NUP153: variants seen among roughly 807,000 people sequenced by gnomAD.
NUP153 encodes nuclear pore complex protein Nup153.
Under a neutral mutation model 134.6 loss-of-function variants are expected in NUP153, and 27 were observed. The ratio of observed to expected loss-of-function variants is 0.20; its 90% CI spans 0.15 to 0.28. NUP153 has a LOEUF of 0.28. Ranked by LOEUF, NUP153 falls within the 10% of genes least tolerant of loss-of-function variation. The pLI is 1.00. For synonymous variants in NUP153, 640 were observed against 623.5 expected, an observed-to-expected ratio of 1.03 and a Z score of -0.40; for missense variants, 1,821 against 1,731.3, an observed-to-expected ratio of 1.05 and a Z score of -0.92.
intron 1 of NUP153, among the ~76,000 whole-genome samples, chr6:17,704,633 T>C (rs1169539766): frequency 6.6e-6 from 1 of 151,670 alleles, no homozygotes; most frequent in Non-Finnish European, 1.5e-5. Context: ...GTGCCAAACC[T>C]AACCATCAGT....
chr6:17,619,703 T>C (rs1020461941), intron 20 of NUP153: 4 of 152,140 alleles, frequency 2.6e-5, no homozygotes, highest in African/African-American at 9.7e-5. Flanking sequence ...TATTCATGGA[T>C]CAGAAGAACT....
At chr6:17,666,841 C>T (rs1438624725) in intron 8 of NUP153, among the ~76,000 whole-genome samples, 1 of 152,206 alleles carries the variant, frequency 6.6e-6, no homozygotes, top group Non-Finnish European at 1.5e-5. Flanking sequence ...TCCTTTCATT[C>T]AGCAGCAGCT....
intron 2 of NUP153, among the ~76,000 whole-genome samples, chr6:17,678,978 T>C (rs994067044): frequency 1.3e-5 from 2 of 149,114 alleles, no homozygotes; most frequent in African/African-American, 4.9e-5. Flanking sequence ...TCTTAACAAA[T>C]ATTTTACAGC....
chr6:17,696,811 G>A (rs1769677342), intron 1 of NUP153, among the ~76,000 whole-genome samples: 2 of 151,980 alleles, frequency 1.3e-5, no homozygotes, highest in Non-Finnish European at 2.9e-5. Context: ...AGTAGCTTAC[G>A]TCTGTAATCC....
chr6:17,640,905 G>A (rs993586787), intron 14 of NUP153, among the ~76,000 whole-genome samples: 1 of 152,070 alleles, frequency 6.6e-6, no homozygotes, highest in African/African-American at 2.4e-5. Flanking sequence ...TTACTGGCAT[G>A]AGTCATCATG....
intron 11 of NUP153, among the ~76,000 whole-genome samples, chr6:17,650,858 G>A (rs1241793646): frequency 6.6e-6 from 1 of 152,088 alleles, no homozygotes; most frequent in Non-Finnish European, 1.5e-5. Flanking sequence ...CAGCATAAAT[G>A]CCAGGGAAGA....
At chr6:17,667,290 T>C (rs1767592334) in intron 8 of NUP153, among the ~76,000 whole-genome samples, 1 of 152,212 alleles carries the variant, frequency 6.6e-6, no homozygotes, top group Non-Finnish European at 1.5e-5. Flanking sequence ...AGTTCAATAT[T>C]AGCTTTCTTT....
chr6:17,659,718 G>A (rs570278645), intron 11 of NUP153, among the ~76,000 whole-genome samples: 11 of 152,228 alleles, frequency 7.2e-5, no homozygotes, highest in African/African-American at 1.7e-4. Context: ...TGATCCGCCC[G>A]CCTTGGCCTC....
chr6:17,650,790 AT>A (rs1469393256), intron 11 of NUP153, among the ~76,000 whole-genome samples: 2 of 152,318 alleles, frequency 1.3e-5, no homozygotes, highest in Admixed American at 1.3e-4. Context: ...ATTTAACTAT[AT>A]AAAGCAAAAA....
Position 17,637,341 on chromosome 6 carries a change from G to T in NUP153, c.2276C>A (p.Thr759Lys), listed in dbSNP as rs912644568. The T allele has an allele frequency of 1.9e-6, 3 of 1,614,056 alleles. No homozygotes were observed. The highest frequency in any genetic ancestry group is 1.7e-6 in the Non-Finnish European group (2 of 1,180,050). ...KPGTCVKRALTLTVVSESAET... is the reference protein window; with the variant it reads ...KPGTCVKRALKLTVVSESAET... Reference sequence around the variant, plus strand: ...AGCACTTTCCGAAACCACTGTCAATGTAAGGGCTCGCTTCACACAAGTTCC... The same window carrying T: ...AGCACTTTCCGAAACCACTGTCAATTTAAGGGCTCGCTTCACACAAGTTCC... Residue 759 changes from threonine to lysine, a missense_variant, in exon 16 of 22, where the codon ACA (threonine) becomes AAA (lysine). Physicochemically the swap from Thr to Lys is moderately conservative, Grantham distance 78. Coordinates refer to ENST00000262077, the MANE Select transcript of NUP153 (RefSeq NM_005124.4).
At chr6:17,703,498 G>C (rs1770259251) in intron 1 of NUP153, among the ~76,000 whole-genome samples, 1 of 152,060 alleles carries the variant, frequency 6.6e-6, no homozygotes, top group Admixed American at 6.6e-5. Flanking sequence ...AATAACATTA[G>C]TATAAAACAT....
chr6:17,669,080 CCT>C, intron 7 of NUP153, 52 bp from the exon 8 acceptor site: 2 of 1,258,866 alleles, frequency 1.6e-6, no homozygotes, highest in Non-Finnish European at 2.2e-6. Context: ...ATGAAAAATA[CCT>C]TTTTTTTTTT....
chr6:17,656,452 A>C (rs922832339), intron 11 of NUP153, among the ~76,000 whole-genome samples: 2 of 152,052 alleles, frequency 1.3e-5, no homozygotes, highest in African/African-American at 4.8e-5. Flanking sequence ...TTATTTTTTT[A>C]AAGACAGAGT....
chr6:17,629,018 C>G lies in NUP153; in HGVS notation c.3181G>C (p.Ala1061Pro), dbSNP rs762415907. 11 of 1,614,018 alleles carry G rather than the reference C, an allele frequency of 6.8e-6. No individual in the cohort carries two copies. The highest frequency in any genetic ancestry group is 5.0e-5 in the Admixed American group (3 of 59,994). The change falls in exon 18 of 22, where the codon GCT becomes CCT. Residue 1061 changes from alanine (A) to proline (P), a missense_variant. Transcript: ENST00000262077. The stretch of plus-strand genomic sequence containing the variant: ...TCTGATGTCTTACATGTGAAAGGAG[C>G]CACTGAAGCACTCTTGGTTTCTATG... ...GTIETKSASVAPFTCKTSEAK... is the reference protein window; with the variant it reads ...GTIETKSASVPPFTCKTSEAK...
intron 20 of NUP153, among the ~76,000 whole-genome samples, chr6:17,618,750 T>C (rs1419909977): frequency 6.6e-6 from 1 of 152,022 alleles, no homozygotes; most frequent in East Asian, 1.9e-4. Context: ...TATTTCTTAG[T>C]AGAGATGGGG....
intron 11 of NUP153, 76 bp from the exon 12 acceptor site, chr6:17,649,376 AGT>A: frequency 1.4e-6 from 2 of 1,380,164 alleles, no homozygotes; most frequent in Non-Finnish European, 2.0e-6. Flanking sequence ...TCAGCATGAA[AGT>A]ATACAGGAAG....
intron 2 of NUP153, among the ~76,000 whole-genome samples, chr6:17,687,016 T>C (rs774708827): frequency 9.2e-5 from 14 of 152,128 alleles, no homozygotes; most frequent in Non-Finnish European, 1.8e-4. Context: ...TAAGGACATG[T>C]AACAGAAAAT....
rs187573366 is a variant in NUP153, at chr6:17,646,968, G to C, written c.1633-814C>G. On this transcript the variant is annotated intron_variant, in intron 13 of 21. Coordinates refer to ENST00000262077, the MANE Select transcript of NUP153 (RefSeq NM_005124.4). Reference sequence around the variant, plus strand: ...GACGAGGTTCCACTATGTTGGTCAGGCTGGTCTCGAACTCTTGACCTCAAG... The same window carrying C: ...GACGAGGTTCCACTATGTTGGTCAGCCTGGTCTCGAACTCTTGACCTCAAG... 4.1e-3 allele frequency among the ~76,000 whole-genome samples: 606 copies of C among 149,112 alleles called. 2 individuals are homozygous for C. The highest frequency in any genetic ancestry group is 7.5e-3 in the Non-Finnish European group (508 of 67,476).
chr6:17,619,096 A>G (rs1018481865), intron 20 of NUP153, among the ~76,000 whole-genome samples: 1 of 152,238 alleles, frequency 6.6e-6, no homozygotes, highest in East Asian at 1.9e-4. Context: ...AATGGAGGCA[A>G]AAGAGGAGAG....
Sources: allele counts gnomAD v4.1 joint callset (sites outside exome capture counted in the v4.1 genomes callset), GRCh38; gene constraint gnomAD v4.1.1; transcripts MANE v1.5; gene names NCBI Gene and HGNC (gene_info 2026-07-23, HGNC 2026-07-21).